FAM107B: variants seen among roughly 807,000 people sequenced by gnomAD.
The protein encoded by FAM107B is family with sequence similarity 107 member B, also known as protein FAM107B.
In FAM107B, 21 loss-of-function variants were observed where a neutral mutation model predicts 31.5. That is an observed-to-expected ratio of 0.67 (90% CI 0.47 to 0.96). The LOEUF is 0.96. Among genes scored for constraint, FAM107B ranks in the 40% least tolerant of loss-of-function variants. The pLI, the probability that FAM107B is intolerant of heterozygous loss-of-function variation, is 0.00. For synonymous variants in FAM107B, 157 were observed against 141.5 expected (o/e 1.11, Z -0.78); for missense variants, 452 against 377.1 (o/e 1.20, Z -1.64).
At chr10:14,701,009 A>G (rs753455351) in intron 1 of FAM107B, among the ~76,000 whole-genome samples, 2 of 152,046 alleles carry the variant, frequency 1.3e-5, no homozygotes, top group African/African-American at 4.8e-5. Context: ...AAACCTAGTC[A>G]TATTTTCCTT....
intron 3 of FAM107B, among the ~76,000 whole-genome samples, chr10:14,527,453 C>A (rs1426417566): frequency 1.3e-5 from 2 of 152,238 alleles, no homozygotes; most frequent in Non-Finnish European, 2.9e-5. Flanking sequence ...TGAAATGTAA[C>A]TGGAAAAACT....
intron 1 of FAM107B, 144 bp from the exon 2 acceptor site, chr10:14,667,835 T>C (rs956946698): frequency 1.3e-6 from 1 of 773,722 alleles, no homozygotes; most frequent in Non-Finnish European, 2.1e-6. Context: ...ACTGAGGTTT[T>C]GGACAAGCTA....
chr10:14,721,357 A>AAT (rs1855908770), intron 1 of FAM107B, among the ~76,000 whole-genome samples: 1 of 152,146 alleles, frequency 6.6e-6, no homozygotes, highest in African/African-American at 2.4e-5. Context: ...TTGGGTATAT[A>AAT]CCCAGTAATG....
chr10:14,757,454 G>C (rs567084476), intron 1 of FAM107B, among the ~76,000 whole-genome samples: 16 of 151,996 alleles, frequency 1.1e-4, no homozygotes, highest in African/African-American at 3.1e-4. Context: ...CTCTCTCTCT[G>C]TTCTGTGTTC....
intron 2 of FAM107B, among the ~76,000 whole-genome samples, chr10:14,648,210 G>A (rs947181515): frequency 1.3e-5 from 2 of 152,120 alleles, no homozygotes; most frequent in African/African-American, 4.8e-5. Flanking sequence ...ATAGGCCCCA[G>A]GCCTCACAAG....
At chr10:14,602,086 G>C (rs996150033) in intron 2 of FAM107B, among the ~76,000 whole-genome samples, 1 of 152,102 alleles carries the variant, frequency 6.6e-6, no homozygotes, top group African/African-American at 2.4e-5. Context: ...TTGGAGCTTC[G>C]TTTGACTTTT....
intron 1 of FAM107B, among the ~76,000 whole-genome samples, chr10:14,705,447 G>A (rs554937452): frequency 5.1e-4 from 78 of 152,204 alleles, no homozygotes; most frequent in Middle Eastern, 6.8e-3. Flanking sequence ...AATAGCCAAA[G>A]GTGTGAACAA....
At chr10:14,681,835 T>A (rs989626052) in intron 1 of FAM107B, among the ~76,000 whole-genome samples, 6 of 152,246 alleles carry the variant, frequency 3.9e-5, no homozygotes, top group Admixed American at 3.9e-4. Context: ...GACTGAATTC[T>A]AATCACAGCC....
chr10:14,601,293 A>C lies in FAM107B; in HGVS notation c.469+66341T>G, dbSNP rs1329955425. 4.6e-5 allele frequency among the ~76,000 whole-genome samples: 7 copies of C among 152,258 alleles called. No individual in the cohort carries two copies. In the South Asian group the frequency reaches 1.5e-3, roughly 32 times the overall value. On this transcript the variant is annotated intron_variant, in intron 2 of 4. Coordinates refer to ENST00000181796, the MANE Select transcript of FAM107B (RefSeq NM_031453.4). ...CTTTCTTTCACTGATGGGGTACCGGAATTAGGGATATGAGATGGGTAAGAC... is the reference window on the plus strand; with the variant it reads ...CTTTCTTTCACTGATGGGGTACCGGCATTAGGGATATGAGATGGGTAAGAC...
chr10:14,728,829 T>C (rs958265695), intron 1 of FAM107B, among the ~76,000 whole-genome samples: 2 of 152,202 alleles, frequency 1.3e-5, no homozygotes, highest in African/African-American at 4.8e-5. Flanking sequence ...GGTAGATTTT[T>C]CTCTTTAATT....
intron 2 of FAM107B, among the ~76,000 whole-genome samples, chr10:14,595,991 C>T (rs2131355827): frequency 6.6e-6 from 1 of 152,352 alleles, no homozygotes; most frequent in Non-Finnish European, 1.5e-5. Context: ...CAGAACTCTC[C>T]TGTGGCTTCC....
rs779066984 is a variant in FAM107B at position 14,521,951 on chromosome 10, A to G, written c.722T>C (p.Ile241Thr). The G allele has an allele frequency of 6.2e-7, 1 of 1,614,016 alleles. No individual in the cohort carries two copies. The highest frequency in any genetic ancestry group is 8.5e-7 in the Non-Finnish European group (1 of 1,180,000). ...CTGTGCTTCTTCTTCCTTCTGCTTT[A>G]TTACTTGGTCTCGTTTTCTTTTTTC... Reference protein sequence around the residue: ...VMEKRKRDQVIKQKEEEAQKK... With the variant: ...VMEKRKRDQVTKQKEEEAQKK... The change falls in exon 4 of 5, where the codon ATA becomes ACA. Residue 241 changes from isoleucine (I) to threonine (T), a missense_variant. Ile to Thr is a moderately conservative substitution (Grantham distance 89, BLOSUM62 -1). Transcript: ENST00000181796.
chr10:14,705,968 C>A (rs963463823), intron 1 of FAM107B, among the ~76,000 whole-genome samples: 1 of 152,164 alleles, frequency 6.6e-6, no homozygotes, highest in African/African-American at 2.4e-5. Context: ...CTATGGCTTA[C>A]AAGAAAAACC....
At chr10:14,659,555 C>T (rs1854172195) in intron 2 of FAM107B, among the ~76,000 whole-genome samples, 1 of 152,210 alleles carries the variant, frequency 6.6e-6, no homozygotes, top group Non-Finnish European at 1.5e-5. Context: ...TCTCACCTTC[C>T]TACCTCAACT....
At chr10:14,745,085 A>G (rs1021923279) in intron 1 of FAM107B, among the ~76,000 whole-genome samples, 1 of 152,286 alleles carries the variant, frequency 6.6e-6, no homozygotes, top group Non-Finnish European at 1.5e-5. Context: ...TTTCCAGTTC[A>G]TTCGCATAGA....
rs182269280 is a variant in FAM107B at position 14,726,347 on chromosome 10, C to G, written c.411+47906G>C. Among the ~76,000 whole-genome samples the G allele has an allele frequency of 3.6e-3, 548 of 152,262 alleles. 2 individuals carry two copies. Among genetic ancestry groups the G allele is most frequent in the Non-Finnish European group, 6.5e-3 (439 of 68,024 alleles). On this transcript the variant is annotated intron_variant, in intron 1 of 4. Coordinates refer to ENST00000181796, the MANE Select transcript of FAM107B (RefSeq NM_031453.4). ...ACATAAAAATCTATGTGGGAAGCAT[C>G]TCCTGTTACAAATCAGGGACAATGG...
At chr10:14,660,042 G>A (rs1159892944) in intron 2 of FAM107B, among the ~76,000 whole-genome samples, 1 of 152,242 alleles carries the variant, frequency 6.6e-6, no homozygotes, top group African/African-American at 2.4e-5. Flanking sequence ...AGCCAACTCC[G>A]AAAATGTGCT....
At chr10:14,742,605 C>T (rs1358385219) in intron 1 of FAM107B, among the ~76,000 whole-genome samples, 2 of 152,106 alleles carry the variant, frequency 1.3e-5, no homozygotes, top group African/African-American at 4.8e-5. Context: ...CTCTTTTCCT[C>T]CTTGGCTGAG....
chr10:14,726,096 C>A (rs575360667), intron 1 of FAM107B, among the ~76,000 whole-genome samples: 1 of 152,068 alleles, frequency 6.6e-6, no homozygotes, highest in Non-Finnish European at 1.5e-5. Context: ...CGGGTTCAAG[C>A]GATTCTCCTG....
Sources: gnomAD v4.1 joint callset for allele counts (sites outside exome capture counted in the v4.1 genomes callset) on GRCh38, gnomAD v4.1.1 for gene constraint, MANE v1.5 for transcripts, NCBI Gene and HGNC (gene_info 2026-07-23, HGNC 2026-07-21) for gene names.